MRTFB: variants seen among roughly 807,000 people sequenced by gnomAD.
MRTFB encodes the protein myocardin-related transcription factor B.
Under a neutral mutation model 104.2 loss-of-function variants are expected in MRTFB, and 29 were observed. The observed-to-expected ratio is 0.28, with a 90% CI of 0.21 to 0.38. The LOEUF (loss-of-function observed/expected upper bound fraction) is 0.38. MRTFB is among the 10% of genes least tolerant of loss of function. The pLI is 1.00. For synonymous variants in MRTFB, 535 were observed against 519.5 expected (o/e 1.03, Z -0.41); for missense variants, 1,270 against 1,341.6 (o/e 0.95, Z 0.83).
chr16:14,013,773 A>T, the MRTFB span, among the ~76,000 whole-genome samples: 1 of 152,190 alleles, frequency 6.6e-6, no homozygotes, highest in Non-Finnish European at 1.5e-5. Context: ...CCTTCAGATT[A>T]TGCCTGGGAT....
At chr16:14,065,050 G>A in the MRTFB span, among the ~76,000 whole-genome samples, 1 of 152,196 alleles carries the variant, frequency 6.6e-6, no homozygotes, top group African/African-American at 2.4e-5. Flanking sequence ...GCTTTGGGTA[G>A]TATGGCCATT....
At chr16:14,011,084 G>A in the MRTFB span, among the ~76,000 whole-genome samples, 2 of 152,196 alleles carry the variant, frequency 1.3e-5, no homozygotes, top group African/African-American at 2.4e-5. Flanking sequence ...TGCCACCCCT[G>A]TTCCTGTCAC....
chr16:14,218,306 G>A (rs550387429), intron 7 of MRTFB, among the ~76,000 whole-genome samples: 2 of 152,016 alleles, frequency 1.3e-5, no homozygotes, highest in East Asian at 1.9e-4. Flanking sequence ...TGATCCACCC[G>A]CCTCAGCCTC....
At chr16:14,017,593 GTA>G in the MRTFB span, among the ~76,000 whole-genome samples, 305 of 58,952 alleles carry the variant, frequency 5.2e-3, no homozygotes, top group East Asian at 0.011. Flanking sequence ...ACTGACTACA[GTA>G]TATATATATA....
At chr16:14,122,647 G>A (rs1356593613) in intron 2 of MRTFB, among the ~76,000 whole-genome samples, 5 of 152,170 alleles carry the variant, frequency 3.3e-5, no homozygotes, top group Non-Finnish European at 7.3e-5. Flanking sequence ...GTATTCCGTG[G>A]TGTATATATG....
the MRTFB span, among the ~76,000 whole-genome samples, chr16:14,059,515 G>C: frequency 1.3e-5 from 2 of 152,246 alleles, no homozygotes; most frequent in South Asian, 4.1e-4. Context: ...AGGACGACAA[G>C]CTCTGCCCTC....
At chr16:14,020,759 A>G in the MRTFB span, among the ~76,000 whole-genome samples, 1 of 152,204 alleles carries the variant, frequency 6.6e-6, no homozygotes, top group East Asian at 1.9e-4. Context: ...TAACCCTTGT[A>G]TGCTACTCAA....
At chr16:14,129,820 T>C (rs1443817557) in intron 2 of MRTFB, among the ~76,000 whole-genome samples, 1 of 152,132 alleles carries the variant, frequency 6.6e-6, no homozygotes, top group Non-Finnish European at 1.5e-5. Flanking sequence ...ATGTCTTCTT[T>C]AGTGAAATGG....
At chr16:14,207,791 C>T (rs2041015750) in intron 3 of MRTFB, among the ~76,000 whole-genome samples, 1 of 152,202 alleles carries the variant, frequency 6.6e-6, no homozygotes, top group Non-Finnish European at 1.5e-5. Flanking sequence ...AAAGTGCCTT[C>T]CTGAGTTCTG....
chr16:14,246,716 C>T lies in MRTFB; in HGVS notation c.1456C>T (p.Pro486Ser). 1 of 1,614,174 alleles carries T rather than the reference C, an allele frequency of 6.2e-7. No individual in the cohort carries two copies. Among genetic ancestry groups the T allele is most frequent in the Non-Finnish European group, 8.5e-7 (1 of 1,180,038 alleles). ...AGTCTCTACTCTCAAGGCAGAATTG[C>T]CACCTACAGGAACCAGCAACGCAAC... is the stretch of plus-strand genomic sequence containing the variant. ...SSVSTLKAEL[P>S]PTGTSNATRV... The change falls in exon 12 of 17, where the codon CCA (proline) becomes TCA (serine). Residue 486 changes from proline to serine, a missense_variant. Pro to Ser is a moderately conservative substitution (Grantham distance 74, BLOSUM62 -1). Around this residue, in one of 3 missense-constraint regions of MRTFB, gnomAD observed 1,144 missense variants for 1,131.5 expected, o/e 1.01. Transcript: ENST00000571589.
chr16:14,236,876 G>A (rs934412509), intron 9 of MRTFB, among the ~76,000 whole-genome samples: 2 of 152,220 alleles, frequency 1.3e-5, no homozygotes, highest in Non-Finnish European at 2.9e-5. Context: ...AGGAGACAGT[G>A]GCAGCTGGGG....
intron 3 of MRTFB, among the ~76,000 whole-genome samples, chr16:14,202,299 T>G (rs226791): frequency 0.24 from 35,994 of 152,138 alleles, 7,981 homozygotes; most frequent in African/African-American, 0.57. Context: ...CTGGGGAGAA[T>G]GACTGAAGGT....
At chr16:14,221,308 T>TTATC (rs1193412341) in intron 8 of MRTFB, among the ~76,000 whole-genome samples, 1 of 152,236 alleles carries the variant, frequency 6.6e-6, no homozygotes, top group Non-Finnish European at 1.5e-5. Flanking sequence ...TAAAATATAT[T>TTATC]TATCTACCTA....
the MRTFB span, among the ~76,000 whole-genome samples, chr16:14,057,264 C>T: frequency 1.3e-5 from 2 of 151,736 alleles, no homozygotes; most frequent in African/African-American, 2.4e-5. Context: ...AACATATTTC[C>T]GGAAAAAAAA....
the MRTFB span, among the ~76,000 whole-genome samples, chr16:14,038,945 C>G: frequency 6.6e-6 from 1 of 152,156 alleles, no homozygotes; most frequent in Non-Finnish European, 1.5e-5. Context: ...TGAAAGGCGA[C>G]ACCCTTTATA....
chr16:14,187,520 T>C (rs1252550166), intron 3 of MRTFB, among the ~76,000 whole-genome samples: 1 of 152,220 alleles, frequency 6.6e-6, no homozygotes, highest in Non-Finnish European at 1.5e-5. Context: ...ATAGGTTAAT[T>C]GGTTGTAATG....
intron 3 of MRTFB, among the ~76,000 whole-genome samples, chr16:14,173,961 A>T (rs562396087): frequency 1.1e-4 from 16 of 152,154 alleles, no homozygotes; most frequent in Admixed American, 8.5e-4. Flanking sequence ...TAGAAGATGT[A>T]ATTAATTTCA....
chr16:14,093,893 C>G (rs1370192749), intron 2 of MRTFB, among the ~76,000 whole-genome samples: 1 of 152,160 alleles, frequency 6.6e-6, no homozygotes, highest in Non-Finnish European at 1.5e-5. Context: ...GGAGGCACCC[C>G]TTATCAGCTC....
the MRTFB span, among the ~76,000 whole-genome samples, chr16:14,006,419 G>C: frequency 6.6e-6 from 1 of 151,880 alleles, no homozygotes; most frequent in Non-Finnish European, 1.5e-5. Context: ...CGGAGGCTGA[G>C]GCATAAGAAT....
Sources: allele counts gnomAD v4.1 joint callset (sites outside exome capture counted in the v4.1 genomes callset), GRCh38; gene constraint gnomAD v4.1.1; regional missense constraint gnomAD v4.1.1; transcripts MANE v1.5; gene names NCBI Gene and HGNC (gene_info 2026-07-23, HGNC 2026-07-21).